Variants in GRIN2A observed in about 807,000 individuals in gnomAD.
GRIN2A encodes glutamate receptor ionotropic, NMDA 2A.
In GRIN2A, 22 loss-of-function variants were observed where a neutral mutation model predicts 113.4. The ratio of observed to expected loss-of-function variants is 0.19; its 90% CI spans 0.14 to 0.28. The LOEUF (loss-of-function observed/expected upper bound fraction) is 0.28. Among genes scored for constraint, GRIN2A ranks in the 10% least tolerant of loss-of-function variants. The pLI is 1.00. For missense variants in GRIN2A, 1,502 were observed against 1,887.0 expected (o/e 0.80, Z 3.78); for synonymous variants, 827 against 738.4 (o/e 1.12, Z -1.94).
intron 2 of GRIN2A, among the ~76,000 whole-genome samples, chr16:10,145,627 G>A (rs1434751074): frequency 6.6e-6 from 1 of 152,082 alleles, no homozygotes. Flanking sequence ...AGTTTATTCT[G>A]AAACTGAGTC....
chr16:9,762,619 T>C lies in GRIN2A; in HGVS notation c.*530A>G, dbSNP rs1478543159. On this transcript the variant is annotated 3_prime_UTR_variant, in exon 13 of 13. Coordinates refer to ENST00000330684, the MANE Select transcript of GRIN2A (RefSeq NM_001134407.3). ...GAAGGCATAACAAGAAAGCTGAAAC[T>C]GTTACGAGCCAAACTTCCTAATCTC... 4.2e-6 allele frequency: 1 copy of C among 239,842 alleles called. No individual in the cohort carries two copies. 14.9% of individuals were successfully genotyped at this position (239,842 alleles called of 1,614,324 possible).
intron 2 of GRIN2A, among the ~76,000 whole-genome samples, chr16:10,075,402 G>C (rs995994599): frequency 3.9e-5 from 6 of 152,120 alleles, no homozygotes; most frequent in African/African-American, 1.4e-4. Context: ...CAAATTTATA[G>C]AGACAGAAAG....
chr16:9,813,216 C>A (rs145838488), intron 10 of GRIN2A, among the ~76,000 whole-genome samples: 56 of 152,344 alleles, frequency 3.7e-4, no homozygotes, highest in African/African-American at 1.2e-3. Context: ...GAAATTATCA[C>A]CTGGTCCTTA....
intron 5 of GRIN2A, among the ~76,000 whole-genome samples, chr16:9,849,555 G>GT (rs1280062039): frequency 6.6e-6 from 1 of 152,082 alleles, no homozygotes; most frequent in East Asian, 1.9e-4. Flanking sequence ...TATTGCTGGT[G>GT]GAATTAAATG....
At chr16:10,132,862 C>T (rs574572588) in intron 2 of GRIN2A, among the ~76,000 whole-genome samples, 1 of 152,296 alleles carries the variant, frequency 6.6e-6, no homozygotes, top group South Asian at 2.1e-4. Flanking sequence ...GTATTAAAGT[C>T]CTGGAGGTCA....
At chr16:10,152,468 C>T (rs2049601185) in intron 2 of GRIN2A, among the ~76,000 whole-genome samples, 1 of 152,206 alleles carries the variant, frequency 6.6e-6, no homozygotes, top group Non-Finnish European at 1.5e-5. Flanking sequence ...CTTCCCCCAG[C>T]TCCACTATTG....
At chr16:10,039,710 T>A (rs1307646914) in intron 2 of GRIN2A, among the ~76,000 whole-genome samples, 1 of 142,168 alleles carries the variant, frequency 7.0e-6, no homozygotes, top group Admixed American at 7.4e-5. Context: ...GACCAGGTGC[T>A]GGGCAGAAGC....
intron 2 of GRIN2A, among the ~76,000 whole-genome samples, chr16:10,059,365 C>CCATTG (rs1284246793): frequency 6.8e-6 from 1 of 147,160 alleles, no homozygotes; most frequent in African/African-American, 2.7e-5. Context: ...AGTTTAGAGG[C>CCATTG]CATTGCATTC....
At chr16:10,025,146 C>T (rs191211178) in intron 2 of GRIN2A, among the ~76,000 whole-genome samples, 8 of 151,988 alleles carry the variant, frequency 5.3e-5, no homozygotes, top group Non-Finnish European at 1.0e-4. Flanking sequence ...AAAGAGGTGG[C>T]AGAGAGATGG....
chr16:10,121,920 A>T (rs967054787), intron 2 of GRIN2A, among the ~76,000 whole-genome samples: 2 of 152,218 alleles, frequency 1.3e-5, no homozygotes, highest in Non-Finnish European at 2.9e-5. Flanking sequence ...AGTTTGCATA[A>T]AATCTCAAAA....
chr16:9,928,165 G>C (rs997034758), intron 3 of GRIN2A, among the ~76,000 whole-genome samples: 13 of 152,188 alleles, frequency 8.5e-5, no homozygotes, highest in African/African-American at 3.1e-4. Flanking sequence ...CTGGACGGGG[G>C]CTCATTCACA....
At chr16:9,988,738 T>C (rs1385203377) in intron 2 of GRIN2A, among the ~76,000 whole-genome samples, 2 of 152,192 alleles carry the variant, frequency 1.3e-5, no homozygotes, top group Admixed American at 6.5e-5. Flanking sequence ...CAGGTTGAGA[T>C]GGTTAGAACC....
chr16:9,763,376 A>G lies in GRIN2A; in HGVS notation c.4168T>C (p.Ser1390Pro), dbSNP rs1900682133. The G allele has an allele frequency of 6.2e-7, 1 of 1,613,968 alleles. No homozygotes were observed. Residue 1390 changes from serine to proline, a missense_variant, in exon 13 of 13, where the codon TCG becomes CCG. This residue lies in a region of GRIN2A where 832 missense variants were observed against 789.7 expected (regional missense o/e 1.05). Coordinates refer to ENST00000330684, the MANE Select transcript of GRIN2A (RefSeq NM_001134407.3). ...GRCPSDPYKH[S>P]LPSQAVNDSY... The stretch of plus-strand genomic sequence containing the variant: ...TCATTCACCGCCTGGGATGGCAACG[A>G]GTGTTTGTAAGGGTCCGAGGGGCAT...
At chr16:9,776,321 G>A (rs907925030) in intron 11 of GRIN2A, among the ~76,000 whole-genome samples, 10 of 143,900 alleles carry the variant, frequency 6.9e-5, no homozygotes, top group African/African-American at 2.6e-4. Flanking sequence ...ACAGTGGAAC[G>A]TAATTGTCAC....
chr16:10,108,622 CACTT>C (rs2048544798), intron 2 of GRIN2A, among the ~76,000 whole-genome samples: 1 of 152,194 alleles, frequency 6.6e-6, no homozygotes, highest in Non-Finnish European at 1.5e-5. Flanking sequence ...CAGGGTCACA[CACTT>C]AGTGTACGAT....
chr16:9,812,867 A>G (rs193136634), intron 10 of GRIN2A, among the ~76,000 whole-genome samples: 30 of 152,284 alleles, frequency 2.0e-4, no homozygotes, highest in African/African-American at 7.2e-4. Flanking sequence ...CAGTAAACAG[A>G]TTTTCAGGCC....
chr16:9,936,721 A>G (rs1371420161), intron 3 of GRIN2A, among the ~76,000 whole-genome samples: 1 of 152,220 alleles, frequency 6.6e-6, no homozygotes, highest in Non-Finnish European at 1.5e-5. Flanking sequence ...TTCTGTGAGT[A>G]ATGTTTGCCA....
intron 2 of GRIN2A, among the ~76,000 whole-genome samples, chr16:9,982,724 A>T (rs2045914123): frequency 1.3e-5 from 2 of 152,220 alleles, no homozygotes; most frequent in African/African-American, 4.8e-5. Flanking sequence ...AGTTGATTTC[A>T]GATTGGCTTC....
chr16:9,854,102 T>G (rs2042928982), intron 4 of GRIN2A, among the ~76,000 whole-genome samples: 1 of 152,166 alleles, frequency 6.6e-6, no homozygotes, highest in African/African-American at 2.4e-5. Context: ...ATGGAGGGAC[T>G]TAATGGGTAG....
Sources: allele counts gnomAD v4.1 joint callset (sites outside exome capture counted in the v4.1 genomes callset), GRCh38; gene constraint gnomAD v4.1.1; regional missense constraint gnomAD v4.1.1; transcripts MANE v1.5; gene names NCBI Gene and HGNC (gene_info 2026-07-23, HGNC 2026-07-21).